The following DCHS2 variants were observed in gnomAD, a reference collection of about 807,000 sequenced individuals.
DCHS2 encodes protocadherin-23.
Under a neutral mutation model 182.4 loss-of-function variants are expected in DCHS2, and 142 were observed. The ratio of observed to expected loss-of-function variants is 0.78; its 90% CI spans 0.68 to 0.89. The LOEUF (loss-of-function observed/expected upper bound fraction) is 0.89. Ranked by LOEUF, DCHS2 falls within the 40% of genes least tolerant of loss-of-function variation. The pLI is 0.00. For synonymous variants in DCHS2, 1,740 were observed against 1,663.3 expected (o/e 1.05, Z -1.12); for missense variants, 4,319 against 4,198.6 (o/e 1.03, Z -0.79).
At chr4:154,238,428 C>T (rs1217445321) in intron 19 of DCHS2, among the ~76,000 whole-genome samples, 1 of 152,070 alleles carries the variant, frequency 6.6e-6, no homozygotes, top group Non-Finnish European at 1.5e-5. Context: ...CTCCCAGGCC[C>T]TGTTATTTTC....
rs537827508 is a variant in DCHS2, at chr4:154,491,328, C to G, written c.28G>C (p.Glu10Gln). 2.8e-4 allele frequency: 434 copies of G among 1,543,980 alleles called. 3 individuals carry two copies. The African/African-American group carries it at 4.9e-3, about 17-fold the overall frequency. ...GGAGCCCGCCGCTGCTGACGCCCTT[C>G]GCCCATCTTCCGCCCACAAGGGCTC... is the stretch of plus-strand genomic sequence containing the variant. MSPCGRKMG[E>Q]GRQQRRAPVG... The change falls in exon 1 of 20, where the codon GAA becomes CAA. Residue 10 changes from glutamate to glutamine, a missense_variant. Glu to Gln is a conservative substitution (Grantham distance 29). Coordinates refer to ENST00000357232, the MANE Select transcript of DCHS2 (RefSeq NM_001358235.2).
At chr4:154,393,481 T>C (rs979532980) in intron 1 of DCHS2, among the ~76,000 whole-genome samples, 2 of 152,176 alleles carry the variant, frequency 1.3e-5, no homozygotes, top group Non-Finnish European at 2.9e-5. Flanking sequence ...TATGTAATAG[T>C]TTAATCAGAT....
intron 3 of DCHS2, among the ~76,000 whole-genome samples, chr4:154,346,996 C>A (rs962045588): frequency 6.6e-6 from 1 of 151,598 alleles, no homozygotes; most frequent in Non-Finnish European, 1.5e-5. Context: ...ACGTCTGTGA[C>A]AGTTAGAAGA....
intron 12 of DCHS2, among the ~76,000 whole-genome samples, chr4:154,304,361 G>A (rs554668227): frequency 2.4e-4 from 36 of 152,310 alleles, no homozygotes; most frequent in African/African-American, 7.9e-4. Context: ...AGGTGGCTGT[G>A]AGAAGGAGGT....
intron 13 of DCHS2, among the ~76,000 whole-genome samples, chr4:154,292,758 G>C (rs888674305): frequency 6.6e-6 from 1 of 152,054 alleles, no homozygotes; most frequent in African/African-American, 2.4e-5. Flanking sequence ...ACTCAACCAA[G>C]CCCAGGGACT....
chr4:154,442,535 C>T (rs1277331415), intron 1 of DCHS2, among the ~76,000 whole-genome samples: 3 of 77,184 alleles, frequency 3.9e-5, no homozygotes, highest in South Asian at 9.9e-4. Context: ...GGACACCCCC[C>T]CCCCCCCACA....
intron 13 of DCHS2, among the ~76,000 whole-genome samples, chr4:154,283,742 C>T (rs1296373147): frequency 6.6e-6 from 1 of 152,176 alleles, no homozygotes; most frequent in Non-Finnish European, 1.5e-5. Context: ...TGAGAATTTT[C>T]ACTGCTGCTT....
intron 1 of DCHS2, among the ~76,000 whole-genome samples, chr4:154,461,906 AG>A (rs1735023665): frequency 6.6e-6 from 1 of 152,174 alleles, no homozygotes; most frequent in Admixed American, 6.5e-5. Context: ...TCACTTTCCA[AG>A]GCTTCCCAGA....
At chr4:154,458,119 A>G (rs1734849606) in intron 1 of DCHS2, among the ~76,000 whole-genome samples, 2 of 152,130 alleles carry the variant, frequency 1.3e-5, no homozygotes, top group African/African-American at 4.8e-5. Context: ...ATGAGTTAAA[A>G]GAAGAAAAAA....
chr4:154,264,597 C>A (rs557810797), intron 14 of DCHS2, among the ~76,000 whole-genome samples: 1 of 152,016 alleles, frequency 6.6e-6, no homozygotes, highest in Non-Finnish European at 1.5e-5. Flanking sequence ...CTTCTTAATG[C>A]GACAATGGGA....
chr4:154,462,404 T>C (rs1242245885), intron 1 of DCHS2, among the ~76,000 whole-genome samples: 3 of 152,210 alleles, frequency 2.0e-5, no homozygotes, highest in Admixed American at 2.0e-4. Flanking sequence ...ATGTATATTC[T>C]CTTTTGTTGC....
chr4:154,390,853 A>G (rs1397554246), intron 1 of DCHS2, among the ~76,000 whole-genome samples: 2 of 152,338 alleles, frequency 1.3e-5, no homozygotes, highest in Non-Finnish European at 2.9e-5. Context: ...CCATGACCGA[A>G]TATTTTCATA....
chr4:154,332,895 G>A lies in DCHS2; in HGVS notation c.3313C>T (p.Gln1105Ter), dbSNP rs1162706410. The A allele has an allele frequency of 6.2e-7, 1 of 1,614,116 alleles. No homozygotes were observed. The highest frequency in any genetic ancestry group is 8.5e-7 in the Non-Finnish European group (1 of 1,180,058). Reference protein sequence around the residue: ...ESLSPMTQMLQTQAHPLGPQR... With the variant: ...ESLSPMTQML ...GGGCCAAGTGGGTGCGCCTGTGTTT[G>A]CAGCATTTGTGTCATCGGTGAGAGA... The change falls in exon 5 of 20, where the codon CAA becomes TAA. Residue 1105 changes from glutamine to a stop codon, truncating the protein, a stop_gained. Coordinates refer to ENST00000357232, the MANE Select transcript of DCHS2 (RefSeq NM_001358235.2). LOFTEE classifies it high-confidence loss of function.
At chr4:154,366,595 C>G (rs1441680081) in intron 2 of DCHS2, among the ~76,000 whole-genome samples, 154 bp from the exon 3 acceptor site, 2 of 151,980 alleles carry the variant, frequency 1.3e-5, no homozygotes, top group African/African-American at 4.8e-5. Context: ...TATACACACA[C>G]CCCCATACAT....
chr4:154,320,809 A>G lies in DCHS2; in HGVS notation c.4590T>C (p.Tyr1530=), dbSNP rs1271262624. 3 of 1,614,132 alleles carry G rather than the reference A, an allele frequency of 1.9e-6. No homozygotes were observed. Among genetic ancestry groups the G allele is most frequent in the African/African-American group, 2.7e-5 (2 of 75,052 alleles). Residue 1530 remains tyrosine, a synonymous_variant, in exon 9 of 20, where the codon TAT becomes TAC. Coordinates refer to ENST00000357232, the MANE Select transcript of DCHS2 (RefSeq NM_001358235.2). ...CGTCATCATCTTTGGCATTGAAGAC[A>G]TACACCAGGGTTCCTATGGGAACAT... ...EENVPIGTLV[Y]VFNAKDDDGS... is the part of the protein sequence containing the mutation.
chr4:154,377,278 T>A lies in DCHS2; in HGVS notation c.2219A>T (p.Asp740Val). ...CCCATCCTTAGCTTCCACCAGGAGA[T>A]CATAGGTAGCTGGATCCCTTTCCCT... ...IDRERDPATYDLLVEAKDGGG... is the reference protein window; with the variant it reads ...IDRERDPATYVLLVEAKDGGG... The change falls in exon 2 of 20, where the codon GAT (aspartate) becomes GTT (valine). Residue 740 changes from aspartate to valine, a missense_variant. Asp to Val is a radical substitution (Grantham distance 152). Transcript: ENST00000357232. 6.2e-7 allele frequency: 1 copy of A among 1,613,276 alleles called. No individual in the cohort carries two copies. The highest frequency in any genetic ancestry group is 8.5e-7 in the Non-Finnish European group (1 of 1,179,496).
chr4:154,377,038 T>C (rs1445444734), intron 2 of DCHS2, among the ~76,000 whole-genome samples: 1 of 152,204 alleles, frequency 6.6e-6, no homozygotes, highest in Non-Finnish European at 1.5e-5. Context: ...TTTGTAGTTC[T>C]GTGTTTTTAA....
intron 5 of DCHS2, among the ~76,000 whole-genome samples, chr4:154,331,907 T>A (rs1379028291): frequency 1.3e-5 from 2 of 152,244 alleles, no homozygotes; most frequent in Non-Finnish European, 2.9e-5. Context: ...ATCTTTAATT[T>A]CTTAATTCAG....
chr4:154,389,516 TTATA>T lies in DCHS2; in HGVS notation c.2053-12076_2053-12073del, dbSNP rs72440696. ...TATGTTCTATTCCTAAAGACAAAGG[TTATA>T]TATATATATATATATAACCTTTTTT... On this transcript the variant is annotated intron_variant, in intron 1 of 19. Coordinates refer to ENST00000357232, the MANE Select transcript of DCHS2 (RefSeq NM_001358235.2). Among the ~76,000 whole-genome samples the T allele has an allele frequency of 9.0e-5, 10 of 111,182 alleles. No homozygotes were observed. The South Asian group carries it at 1.2e-3, about 13-fold the overall frequency. 72.9% of individuals were successfully genotyped at this position (111,182 alleles called of 152,430 possible).
Sources: gnomAD v4.1 joint callset for allele counts (sites outside exome capture counted in the v4.1 genomes callset) on GRCh38, gnomAD v4.1.1 for gene constraint, MANE v1.5 for transcripts, NCBI Gene and HGNC (gene_info 2026-07-23, HGNC 2026-07-21) for gene names.